The following MEI4 variants were observed in gnomAD, a reference collection of about 807,000 sequenced individuals.
MEI4 encodes the protein meiotic double-stranded break formation protein 4.
In MEI4, 27 loss-of-function variants were observed where a neutral mutation model predicts 31.4. The ratio of observed to expected loss-of-function variants is 0.86; its 90% CI spans 0.63 to 1.19. The LOEUF (loss-of-function observed/expected upper bound fraction) is 1.19. Ranked by LOEUF, MEI4 falls within the 50% of genes most tolerant of loss-of-function variation. The pLI is 0.00. For missense variants in MEI4, 329 were observed against 398.9 expected, an observed-to-expected ratio of 0.82 and a Z score of 1.49; for synonymous variants, 122 against 145.4, an observed-to-expected ratio of 0.84 and a Z score of 1.16.
intron 2 of MEI4, among the ~76,000 whole-genome samples, chr6:77,734,073 G>A (rs1767101661): frequency 6.6e-6 from 1 of 152,020 alleles, no homozygotes. Context: ...TGGAATAGGT[G>A]TGGTGTGGTG....
At chr6:77,828,812 C>T (rs766905161) in intron 3 of MEI4, 119 bp from the exon 4 acceptor site, 1 of 722,614 alleles carries the variant, frequency 1.4e-6, no homozygotes, top group Non-Finnish European at 1.9e-6. Flanking sequence ...GAGACTGACC[C>T]AGAATTACAT....
At chr6:77,789,591 G>A (rs915900903) in intron 3 of MEI4, among the ~76,000 whole-genome samples, 4 of 152,132 alleles carry the variant, frequency 2.6e-5, no homozygotes, top group Non-Finnish European at 4.4e-5. Flanking sequence ...AAAAGTGGGT[G>A]AAGGACATGA....
intron 4 of MEI4, among the ~76,000 whole-genome samples, chr6:77,911,420 G>A (rs538295085): frequency 1.3e-5 from 2 of 151,994 alleles, no homozygotes; most frequent in Admixed American, 6.6e-5. Context: ...AGTGAGCACG[G>A]TACCCAATAG....
intron 4 of MEI4, among the ~76,000 whole-genome samples, chr6:77,832,405 T>C (rs1770105874): frequency 6.6e-6 from 1 of 152,018 alleles, no homozygotes; most frequent in African/African-American, 2.4e-5. Context: ...TTCTAAGGTA[T>C]TTGATGGCAG....
At chr6:77,753,709 T>G (rs1767842077) in intron 2 of MEI4, among the ~76,000 whole-genome samples, 1 of 152,196 alleles carries the variant, frequency 6.6e-6, no homozygotes, top group African/African-American at 2.4e-5. Flanking sequence ...CTCAAGGATC[T>G]AGAACCAGAA....
Position 77,798,358 on chromosome 6 carries a change from GTATTAA to G in MEI4, c.769-30564_769-30559del, listed in dbSNP as rs574056830. 7.5e-4 allele frequency among the ~76,000 whole-genome samples: 114 copies of G among 151,166 alleles called. 2 individuals carry two copies. In the South Asian group the frequency reaches 0.024, roughly 31 times the overall value. On this transcript the variant is annotated intron_variant, in intron 3 of 4. Coordinates refer to ENST00000684080, the MANE Select transcript of MEI4 (RefSeq NM_001322247.2). ...CAAATATTTGTTTAATAAATACAAT[GTATTAA>G]TATTAATAATTAAAATAAATATGAA... is the stretch of plus-strand genomic sequence containing the variant.
At chr6:77,677,375 C>T (rs551066560) in intron 1 of MEI4, among the ~76,000 whole-genome samples, 6 of 152,080 alleles carry the variant, frequency 3.9e-5, no homozygotes, top group East Asian at 1.9e-4. Context: ...CCTTCCTGTA[C>T]GTCTCTTTTG....
chr6:77,833,789 C>A (rs1770139935), intron 4 of MEI4, among the ~76,000 whole-genome samples: 1 of 152,134 alleles, frequency 6.6e-6, no homozygotes, highest in African/African-American at 2.4e-5. Context: ...CTACCTTTCC[C>A]CGCACCCGCC....
In MEI4 at chr6:77,698,131, C is replaced by G. The variant is rs147500928; in HGVS notation, c.232+7228C>G. ...TTCCATTTCCTTGGTAGATCTTCCT[C>G]CATCCCTTTATTTTGAGCCCATGTG... On this transcript the variant is annotated intron_variant, in intron 2 of 4. Transcript: ENST00000684080. Among the ~76,000 whole-genome samples, 44 of 152,226 alleles carry G rather than the reference C, an allele frequency of 2.9e-4. No homozygotes were observed. The East Asian group carries it at 8.3e-3, about 29-fold the overall frequency.
intron 4 of MEI4, among the ~76,000 whole-genome samples, chr6:77,861,633 G>GC (rs1316731226): frequency 6.6e-6 from 1 of 152,168 alleles, no homozygotes; most frequent in African/African-American, 2.4e-5. Context: ...TCTCTGAAAG[G>GC]CCACATGTAT....
Position 77,925,852 on chromosome 6 carries a change from A to C in MEI4, c.*2506A>C, listed in dbSNP as rs1053745733. The C allele has an allele frequency of 4.0e-5, 6 of 149,188 alleles. No individual in the cohort carries two copies. Among genetic ancestry groups the C allele is most frequent in the African/African-American group, 1.5e-4 (6 of 40,912 alleles). The allele number at this position is 149,188 out of a possible 1,614,324, so 9.2% of individuals were successfully genotyped here. A position where few individuals can be genotyped will look rare whatever the true frequency, so the allele number is the denominator to read the frequency against. ...ATAAAATATATGAATAAGTAATATT[A>C]TACATATATATACGATATGTATAAT... On this transcript the variant is annotated 3_prime_UTR_variant, in exon 5 of 5. Coordinates refer to ENST00000684080, the MANE Select transcript of MEI4 (RefSeq NM_001322247.2).
chr6:77,890,729 C>T (rs1015029558), intron 4 of MEI4, among the ~76,000 whole-genome samples: 1 of 152,108 alleles, frequency 6.6e-6, no homozygotes, highest in African/African-American at 2.4e-5. Flanking sequence ...TCCCACAATT[C>T]CCACATGTTG....
chr6:77,711,858 T>C (rs999884057), intron 2 of MEI4, among the ~76,000 whole-genome samples: 1 of 152,222 alleles, frequency 6.6e-6, no homozygotes, highest in African/African-American at 2.4e-5. Context: ...CCTTTTGTTA[T>C]CATATGTGGC....
chr6:77,915,620 T>C (rs1240529063), intron 4 of MEI4, among the ~76,000 whole-genome samples: 1 of 152,062 alleles, frequency 6.6e-6, no homozygotes, highest in African/African-American at 2.4e-5. Context: ...ATCTGGGTGA[T>C]CTAGTGTTGG....
At chr6:77,657,536 A>C (rs918359041) in intron 1 of MEI4, among the ~76,000 whole-genome samples, 1 of 151,694 alleles carries the variant, frequency 6.6e-6, no homozygotes, top group African/African-American at 2.4e-5. Context: ...CTTCTTTACT[A>C]TGTGGTGTCA....
chr6:77,754,244 A>C (rs747891638), intron 2 of MEI4, among the ~76,000 whole-genome samples: 1 of 152,162 alleles, frequency 6.6e-6, no homozygotes, highest in Admixed American at 6.5e-5. Context: ...CAGAACTTAA[A>C]GTATAATAGA....
intron 3 of MEI4, among the ~76,000 whole-genome samples, chr6:77,773,509 C>T (rs1025683463): frequency 3.3e-5 from 5 of 152,046 alleles, no homozygotes; most frequent in Non-Finnish European, 5.9e-5. Context: ...AGACCCCTAT[C>T]TGTCAACATA....
At chr6:77,805,346 A>G (rs1398492522) in intron 3 of MEI4, among the ~76,000 whole-genome samples, 1 of 152,122 alleles carries the variant, frequency 6.6e-6, no homozygotes, top group African/African-American at 2.4e-5. Context: ...TTAAAATTTC[A>G]TGAGCTTTCC....
At chr6:77,675,595 C>T (rs1311394729) in intron 1 of MEI4, among the ~76,000 whole-genome samples, 2 of 149,876 alleles carry the variant, frequency 1.3e-5, no homozygotes, top group African/African-American at 4.9e-5. Context: ...TAAAATATCT[C>T]TTATCAATAC....
Sources: gnomAD v4.1 joint callset for allele counts (sites outside exome capture counted in the v4.1 genomes callset) on GRCh38, gnomAD v4.1.1 for gene constraint, MANE v1.5 for transcripts, NCBI Gene and HGNC (gene_info 2026-07-23, HGNC 2026-07-21) for gene names.